The following GALNT17 variants were observed in gnomAD, a reference collection of about 807,000 sequenced individuals.
GALNT17 encodes the protein polypeptide N-acetylgalactosaminyltransferase 17.
Under a neutral mutation model 63.7 loss-of-function variants are expected in GALNT17, and 29 were observed. That is an observed-to-expected ratio of 0.46 (90% CI 0.34 to 0.62). The LOEUF (loss-of-function observed/expected upper bound fraction) is 0.62. Among genes scored for constraint, GALNT17 ranks in the 20% least tolerant of loss-of-function variants. The pLI is 0.01. For synonymous variants in GALNT17, 305 were observed against 318.3 expected (o/e 0.96, Z 0.45); for missense variants, 603 against 799.6 (o/e 0.75, Z 2.97).
intron 1 of GALNT17, among the ~76,000 whole-genome samples, chr7:71,243,572 T>C (rs1429703004): frequency 6.6e-6 from 1 of 152,140 alleles, no homozygotes; most frequent in Non-Finnish European, 1.5e-5. Context: ...TCTTTTCTTG[T>C]CTTTTCTTTT....
Position 71,423,951 on chromosome 7 carries a change from GA to G in GALNT17, c.962+2850del, listed in dbSNP as rs763291109. Among the ~76,000 whole-genome samples the G allele has an allele frequency of 3.3e-5, 5 of 152,202 alleles. No homozygotes were observed. The East Asian group carries it at 7.7e-4, about 24-fold the overall frequency. On this transcript the variant is annotated intron_variant, in intron 5 of 10. Transcript: ENST00000333538. ...AATAATAAAAAAAGAGTAAGCTTTT[GA>G]AAAGTTCGTTATTTTTCTGCTGACA... is the stretch of plus-strand genomic sequence containing the variant.
chr7:71,644,542 A>C lies in GALNT17; in HGVS notation c.1081-20869A>C, dbSNP rs867703880. 7.8e-3 allele frequency among the ~76,000 whole-genome samples: 1,058 copies of C among 136,220 alleles called. 27 individuals carry two copies. The highest frequency in any genetic ancestry group is 0.033 in the African/African-American group (948 of 28,968). 89.4% of individuals were successfully genotyped at this position (136,220 alleles called of 152,430 possible). ...GACTCCATCTCAAAAAAAAAAAAAA[A>C]AAAAAAACAAAAGAAAAAAAAAAGA... On this transcript the variant is annotated intron_variant, in intron 6 of 10. Transcript: ENST00000333538.
chr7:71,213,321 A>G (rs1257678585), intron 1 of GALNT17, among the ~76,000 whole-genome samples: 1 of 152,220 alleles, frequency 6.6e-6, no homozygotes, highest in Non-Finnish European at 1.5e-5. Flanking sequence ...AGGCCTCCCC[A>G]GCCATGTGGA....
intron 6 of GALNT17, among the ~76,000 whole-genome samples, chr7:71,616,865 A>T (rs1337605465): frequency 7.0e-6 from 1 of 143,076 alleles, no homozygotes; most frequent in Non-Finnish European, 1.5e-5. Context: ...TTATATTATA[A>T]AAGTATACAT....
intron 6 of GALNT17, among the ~76,000 whole-genome samples, chr7:71,649,088 C>A (rs1176170303): frequency 1.3e-5 from 2 of 152,206 alleles, no homozygotes; most frequent in African/African-American, 4.8e-5. Flanking sequence ...CTGGATCTCT[C>A]TCCATTTGCC....
intron 7 of GALNT17, among the ~76,000 whole-genome samples, chr7:71,669,342 C>G (rs1791032169): frequency 6.6e-6 from 1 of 151,908 alleles, no homozygotes; most frequent in African/African-American, 2.4e-5. Flanking sequence ...ATGATGAAAC[C>G]CCATCTCTAA....
chr7:71,484,212 A>T (rs966320790), intron 5 of GALNT17, among the ~76,000 whole-genome samples: 5 of 152,170 alleles, frequency 3.3e-5, no homozygotes, highest in African/African-American at 9.6e-5. Context: ...ACCGGGCCAG[A>T]TGCGGTGGCT....
At chr7:71,379,488 A>G in intron 2 of GALNT17, among the ~76,000 whole-genome samples, 1 of 152,124 alleles carries the variant, frequency 6.6e-6, no homozygotes, top group East Asian at 1.9e-4. Context: ...GCAAGGGACC[A>G]GTTAGGTGGC....
Position 71,677,896 on chromosome 7 carries a change from G to A in GALNT17, c.1500+590G>A, listed in dbSNP as rs377047781. Among the ~76,000 whole-genome samples the A allele has an allele frequency of 1.5e-4, 23 of 152,102 alleles. 1 individual carries two copies. In the East Asian group the frequency reaches 4.5e-3, roughly 30 times the overall value. On this transcript the variant is annotated intron_variant, in intron 9 of 10. Transcript: ENST00000333538. ...GTGTACCCTCTGCCACATCACTGCCGGTAGTTCTCAATGTCCAGATGGATA... is the reference window on the plus strand; with the variant it reads ...GTGTACCCTCTGCCACATCACTGCCAGTAGTTCTCAATGTCCAGATGGATA...
chr7:71,450,344 A>G (rs1419732393), intron 5 of GALNT17, among the ~76,000 whole-genome samples: 1 of 151,998 alleles, frequency 6.6e-6, no homozygotes, highest in Non-Finnish European at 1.5e-5. Context: ...CATGTTGGCC[A>G]GGCTGGTCTC....
chr7:71,576,881 A>G (rs966543841), intron 6 of GALNT17, among the ~76,000 whole-genome samples: 2 of 152,160 alleles, frequency 1.3e-5, no homozygotes, highest in Non-Finnish European at 2.9e-5. Context: ...ATTTTTAATA[A>G]TAGCCATTCT....
chr7:71,438,753 T>G (rs1480202747), intron 5 of GALNT17, among the ~76,000 whole-genome samples: 1 of 152,196 alleles, frequency 6.6e-6, no homozygotes. Flanking sequence ...TTTGGGAATA[T>G]TATAATAGCC....
intron 6 of GALNT17, among the ~76,000 whole-genome samples, chr7:71,645,330 T>G (rs1010681285): frequency 1.3e-5 from 2 of 152,152 alleles, no homozygotes; most frequent in African/African-American, 4.8e-5. Flanking sequence ...TGTGAGGTGA[T>G]TGGATCATGG....
chr7:71,231,247 A>G (rs904843282), intron 1 of GALNT17, among the ~76,000 whole-genome samples: 8 of 147,684 alleles, frequency 5.4e-5, no homozygotes, highest in African/African-American at 2.0e-4. Context: ...TTTTTTTTCC[A>G]GTAGACCCTG....
intron 1 of GALNT17, among the ~76,000 whole-genome samples, chr7:71,236,266 C>T (rs1177684859): frequency 2.0e-5 from 3 of 151,974 alleles, no homozygotes; most frequent in Non-Finnish European, 4.4e-5. Context: ...GTGTAAGGGG[C>T]GGCTGAGGGC....
chr7:71,686,107 A>G (rs958125568), intron 9 of GALNT17, among the ~76,000 whole-genome samples: 4 of 151,860 alleles, frequency 2.6e-5, no homozygotes, highest in Non-Finnish European at 4.4e-5. Flanking sequence ...GGCACCTGCC[A>G]CCACACCTGG....
intron 1 of GALNT17, among the ~76,000 whole-genome samples, chr7:71,256,490 G>C (rs557572168): frequency 2.1e-4 from 32 of 152,336 alleles, no homozygotes; most frequent in African/African-American, 7.7e-4. Context: ...AGAATTGCTT[G>C]AGCCTGGGAG....
intron 1 of GALNT17, among the ~76,000 whole-genome samples, chr7:71,208,190 G>A (rs1199939305): frequency 6.6e-6 from 1 of 151,978 alleles, no homozygotes; most frequent in Non-Finnish European, 1.5e-5. Context: ...GCCTGGCTTG[G>A]CCTTCCAAAT....
intron 1 of GALNT17, among the ~76,000 whole-genome samples, chr7:71,201,751 C>T (rs1789177201): frequency 6.6e-6 from 1 of 151,988 alleles, no homozygotes; most frequent in African/African-American, 2.4e-5. Flanking sequence ...CCTCCCTCAC[C>T]CTTCCGAGTC....
Sources: gnomAD v4.1 joint callset for allele counts (sites outside exome capture counted in the v4.1 genomes callset) on GRCh38, gnomAD v4.1.1 for gene constraint, MANE v1.5 for transcripts, NCBI Gene and HGNC (gene_info 2026-07-23, HGNC 2026-07-21) for gene names.